JAZF1: variants seen among roughly 807,000 people sequenced by gnomAD.
JAZF1 encodes the protein JAZF zinc finger 1, also known as juxtaposed with another zinc finger protein 1.
A neutral mutation model predicts 26.4 loss-of-function variants in JAZF1; 8 were observed. That is an observed-to-expected ratio of 0.30 (90% confidence interval 0.18 to 0.55). The LOEUF is 0.55. JAZF1 is among the 20% of genes least tolerant of loss of function. The pLI, the probability that JAZF1 is intolerant of heterozygous loss-of-function variation, is 0.94. For missense variants in JAZF1, 199 were observed against 322.0 expected (o/e 0.62, Z 2.92); for synonymous variants, 126 against 122.3 (o/e 1.03, Z -0.20).
chr7:27,864,858 TAAC>T (rs577128402), intron 3 of JAZF1, among the ~76,000 whole-genome samples: 3 of 152,276 alleles, frequency 2.0e-5, no homozygotes, highest in African/African-American at 7.2e-5. Context: ...TATTTTCCCT[TAAC>T]AACATTTCTC....
chr7:28,151,862 A>C (rs755226542), intron 1 of JAZF1, among the ~76,000 whole-genome samples: 1 of 152,158 alleles, frequency 6.6e-6, no homozygotes, highest in Non-Finnish European at 1.5e-5. Flanking sequence ...TTTTTAAAAA[A>C]CCTGCATTAT....
chr7:28,022,182 C>T (rs758061435), intron 1 of JAZF1, among the ~76,000 whole-genome samples: 28 of 152,202 alleles, frequency 1.8e-4, no homozygotes, highest in Non-Finnish European at 3.5e-4. Context: ...TGAACAATAT[C>T]GTCACAACAA....
chr7:27,880,236 A>T (rs1783745458), intron 3 of JAZF1, among the ~76,000 whole-genome samples: 1 of 152,234 alleles, frequency 6.6e-6, no homozygotes, highest in Non-Finnish European at 1.5e-5. Flanking sequence ...CGATGCCAAG[A>T]AACACATATT....
chr7:28,180,069 C>G (rs924593711), intron 1 of JAZF1, among the ~76,000 whole-genome samples: 9 of 146,762 alleles, frequency 6.1e-5, no homozygotes, highest in Non-Finnish European at 1.4e-4. Flanking sequence ...CTCCGCGACC[C>G]TGCCCAGCGC....
chr7:28,049,335 C>T (rs1226699419), intron 1 of JAZF1, among the ~76,000 whole-genome samples: 4 of 151,880 alleles, frequency 2.6e-5, no homozygotes, highest in Non-Finnish European at 2.9e-5. Flanking sequence ...CCATCTGCCT[C>T]GGCCTCCCAA....
intron 3 of JAZF1, among the ~76,000 whole-genome samples, chr7:27,850,035 C>G (rs1015352184): frequency 3.9e-5 from 6 of 152,276 alleles, no homozygotes; most frequent in Non-Finnish European, 4.4e-5. Flanking sequence ...TAAAAGTCAA[C>G]CTTTTCCAGA....
intron 1 of JAZF1, among the ~76,000 whole-genome samples, chr7:28,095,924 G>A (rs769887060): frequency 5.3e-5 from 8 of 152,328 alleles, no homozygotes; most frequent in East Asian, 1.9e-4. Flanking sequence ...CGGCTGAGAC[G>A]GAGAGCTCTG....
intron 3 of JAZF1, among the ~76,000 whole-genome samples, chr7:27,879,992 T>C (rs1783741966): frequency 6.6e-6 from 1 of 152,156 alleles, no homozygotes; most frequent in Non-Finnish European, 1.5e-5. Flanking sequence ...AAACACACAG[T>C]AAATACAAAT....
intron 1 of JAZF1, among the ~76,000 whole-genome samples, chr7:28,065,559 T>C (rs1783867849): frequency 6.6e-6 from 1 of 152,222 alleles, no homozygotes; most frequent in Non-Finnish European, 1.5e-5. Flanking sequence ...CAACATGTGT[T>C]GTTAAGTCAG....
chr7:28,034,469 T>TACACACACACACAC (rs59979673), intron 1 of JAZF1, among the ~76,000 whole-genome samples: 3,200 of 145,352 alleles, frequency 0.022, 53 homozygotes, highest in South Asian at 0.033. Flanking sequence ...AGAAAACTAA[T>TACACACACACACAC]ACACACACAC....
intron 1 of JAZF1, among the ~76,000 whole-genome samples, chr7:28,171,864 T>A (rs1480902768): frequency 6.6e-6 from 1 of 152,204 alleles, no homozygotes; most frequent in Non-Finnish European, 1.5e-5. Flanking sequence ...GCACATATAG[T>A]AATGATTCCC....
At chr7:28,153,543 G>C (rs1583588409) in intron 1 of JAZF1, among the ~76,000 whole-genome samples, 2 of 152,266 alleles carry the variant, frequency 1.3e-5, no homozygotes. Context: ...AATTCTACCT[G>C]AGGCAAACCT....
At chr7:27,935,500 A>T (rs1363953418) in intron 2 of JAZF1, among the ~76,000 whole-genome samples, 2 of 152,218 alleles carry the variant, frequency 1.3e-5, no homozygotes, top group Non-Finnish European at 2.9e-5. Context: ...AGGCAAATCT[A>T]TAAAGGTGTA....
At chr7:28,102,270 G>A (rs1274299952) in intron 1 of JAZF1, among the ~76,000 whole-genome samples, 1 of 152,224 alleles carries the variant, frequency 6.6e-6, no homozygotes, top group African/African-American at 2.4e-5. Flanking sequence ...TATCTCTTAG[G>A]GCATTTGCTA....
intron 1 of JAZF1, among the ~76,000 whole-genome samples, chr7:28,133,935 TCTATCAGTC>T (rs1340526947): frequency 6.6e-6 from 1 of 152,236 alleles, no homozygotes; most frequent in Non-Finnish European, 1.5e-5. Context: ...ATGACTTGTC[TCTATCAGTC>T]TTACTATATG....
intron 1 of JAZF1, among the ~76,000 whole-genome samples, chr7:28,066,259 C>T: frequency 6.6e-6 from 1 of 152,082 alleles, no homozygotes; most frequent in Non-Finnish European, 1.5e-5. Context: ...TAAAAGAACA[C>T]TGGAAAGGCT....
rs551935511 is a variant in JAZF1 at position 28,068,217 on chromosome 7, G to GTT, written c.116-76238_116-76237dup. The stretch of plus-strand genomic sequence containing the variant: ...GGTGTAAGCCACCGTGCTCAGCCTA[G>GTT]TTTTTTTTTTTTTTTTTTTCATAAA... On this transcript the variant is annotated intron_variant, in intron 1 of 4. Transcript: ENST00000283928. Among the ~76,000 whole-genome samples, 743 of 124,446 alleles carry GTT rather than the reference G, an allele frequency of 6.0e-3. 4 individuals are homozygous for GTT. The highest frequency in any genetic ancestry group is 0.02 in the African/African-American group (679 of 34,376). 81.6% of individuals were successfully genotyped at this position (124,446 alleles called of 152,430 possible).
chr7:28,063,736 T>C (rs1334480106), intron 1 of JAZF1, among the ~76,000 whole-genome samples: 1 of 152,154 alleles, frequency 6.6e-6, no homozygotes, highest in African/African-American at 2.4e-5. Context: ...TTCCCGTGTT[T>C]CTTGGTAATA....
intron 3 of JAZF1, among the ~76,000 whole-genome samples, chr7:27,875,035 G>A (rs915697079): frequency 6.6e-6 from 1 of 152,172 alleles, no homozygotes; most frequent in Non-Finnish European, 1.5e-5. Context: ...AAAAGCTTGG[G>A]AACTATTGAA....
Sources: allele counts gnomAD v4.1 joint callset (sites outside exome capture counted in the v4.1 genomes callset), GRCh38; gene constraint gnomAD v4.1.1; transcripts MANE v1.5; gene names NCBI Gene and HGNC (gene_info 2026-07-23, HGNC 2026-07-21).